Variants in ZSWIM4 observed in about 807,000 individuals in gnomAD.
ZSWIM4 encodes the protein zinc finger SWIM-type containing 4, also known as zinc finger SWIM domain-containing protein 4.
In ZSWIM4, 62 loss-of-function variants were observed where a neutral mutation model predicts 102.5. That is an observed-to-expected ratio of 0.60 (90% confidence interval 0.49 to 0.75). The LOEUF (loss-of-function observed/expected upper bound fraction) is 0.75, where lower values mean the gene tolerates loss of function less well. Among genes scored for constraint, ZSWIM4 ranks in the 30% least tolerant of loss-of-function variants. ZSWIM4 has a pLI of 0.00. For synonymous variants in ZSWIM4, 652 were observed against 674.5 expected (o/e 0.97, Z 0.52); for missense variants, 1,280 against 1,529.6 (o/e 0.84, Z 2.72).
chr19:13,825,149 C>T lies in ZSWIM4; in HGVS notation c.2216-401C>T, dbSNP rs35561460. Among the ~76,000 whole-genome samples, 552 of 151,798 alleles carry T rather than the reference C, an allele frequency of 3.6e-3. 1 individual carries two copies. The highest frequency in any genetic ancestry group is 5.6e-3 in the Non-Finnish European group (378 of 67,920). On this transcript the variant is annotated intron_variant, in intron 11 of 13. Transcript: ENST00000590508. This position sits in a 1 kb window ranked among gnomAD's most constrained non-coding sequence, Gnocchi z 4.6. ...CTGCCTCCCGGGTTCAAGCGATTCT[C>T]GTGCCTCATCCTCCCAAGTAGCTGG... is the stretch of plus-strand genomic sequence containing the variant.
rs531622783 is a variant in ZSWIM4 at position 13,830,047 on chromosome 19, G to A, written c.2462-144G>A. 43 of 1,061,584 alleles carry A rather than the reference G, an allele frequency of 4.1e-5. No individual in the cohort carries two copies. In the African/African-American group the frequency reaches 5.4e-4, roughly 13 times the overall value. 65.8% of individuals were successfully genotyped at this position (1,061,584 alleles called of 1,614,324 possible). A position where few individuals can be genotyped will look rare whatever the true frequency, so the allele number is the denominator to read the frequency against. ...CGTGATTCCCACCTAGTCCAGGTGC[G>A]CCCTGATGATTTGGAAAGGAAGTTT... On this transcript the variant is annotated intron_variant, in intron 13 of 13. Transcript: ENST00000590508.
chr19:13,824,876 C>A (rs762364062), intron 11 of ZSWIM4, among the ~76,000 whole-genome samples: 16 of 151,946 alleles, frequency 1.1e-4, no homozygotes, highest in Admixed American at 2.0e-4. Context: ...GAGTGTTACC[C>A]ATTTTACAGA....
chr19:13,830,472 G>T lies in ZSWIM4; in HGVS notation c.2743G>T (p.Gly915Cys), dbSNP rs772259206. ...CCAGATCGTGCTGGACGCGGCGGCC[G>T]GCGGCCTGGGCCACGCCCACCTCTT... ...AYQIVLDAAA[G>C]GLGHAHLFTV... Residue 915 changes from glycine to cysteine, a missense_variant, in exon 14 of 14, where the codon GGC becomes TGC. Coordinates refer to ENST00000590508, the MANE Select transcript of ZSWIM4 (RefSeq NM_001367834.3). 1.9e-6 allele frequency: 3 copies of T among 1,602,488 alleles called. No homozygotes were observed. Among genetic ancestry groups the T allele is most frequent in the African/African-American group, 2.7e-5 (2 of 74,856 alleles).
rs200740769 is a variant in ZSWIM4 at position 13,819,509 on chromosome 19, A to G, written c.2060+17A>G. On this transcript the variant is annotated intron_variant, in intron 10 of 13. Transcript: ENST00000590508. ...AGCTATGAGGTGAGGATAGGTGGCCAAGGCAGTGGCAGGGGGAGCTGGGGG... is the reference window on the plus strand; with the variant it reads ...AGCTATGAGGTGAGGATAGGTGGCCGAGGCAGTGGCAGGGGGAGCTGGGGG... 1.4e-5 allele frequency: 22 copies of G among 1,580,566 alleles called. No homozygotes were observed. In the Admixed American group the frequency reaches 3.3e-4, roughly 23 times the overall value.
chr19:13,829,114 A>AAGAG (rs371477283), intron 13 of ZSWIM4, among the ~76,000 whole-genome samples: 5 of 148,194 alleles, frequency 3.4e-5, no homozygotes, highest in Non-Finnish European at 4.5e-5. Flanking sequence ...GGAAAAAAAA[A>AAGAG]AGAGAGAGAG....
chr19:13,797,808 A>T (rs1974651494), intron 1 of ZSWIM4, among the ~76,000 whole-genome samples: 1 of 152,076 alleles, frequency 6.6e-6, no homozygotes, highest in Non-Finnish European at 1.5e-5. Flanking sequence ...GTGAGCCGCC[A>T]TACCCAGCTA....
intron 1 of ZSWIM4, among the ~76,000 whole-genome samples, chr19:13,798,605 A>G (rs1974671986): frequency 6.6e-6 from 1 of 152,154 alleles, no homozygotes; most frequent in Middle Eastern, 3.2e-3. Flanking sequence ...GCCAGGTGTT[A>G]TTGTAAGTTC....
At position 13,810,334 on chromosome 19, in the gene ZSWIM4, C is replaced by T. The variant is rs148031429; in HGVS notation, c.1012+1114C>T. ...TTGACACGGACTCTCACCCTGTCTCCCAGGCTGGAGTGCAGTGGCACGATC... is the reference window on the plus strand; with the variant it reads ...TTGACACGGACTCTCACCCTGTCTCTCAGGCTGGAGTGCAGTGGCACGATC... On this transcript the variant is annotated intron_variant, in intron 5 of 13. Coordinates refer to ENST00000590508, the MANE Select transcript of ZSWIM4 (RefSeq NM_001367834.3). Among the ~76,000 whole-genome samples the T allele has an allele frequency of 1.2e-3, 186 of 149,654 alleles. 1 individual carries two copies. The East Asian group carries it at 0.017, about 14-fold the overall frequency.
Position 13,808,190 on chromosome 19 carries a change from A to C in ZSWIM4, c.713-646A>C, listed in dbSNP as rs556674171. Reference sequence around the variant, plus strand: ...TCACCTCCCTCCATGCCCCACTTCCAACTCTGGGGATCATAATTCAACATG... The same window carrying C: ...TCACCTCCCTCCATGCCCCACTTCCCACTCTGGGGATCATAATTCAACATG... On this transcript the variant is annotated intron_variant, in intron 3 of 13. Transcript: ENST00000590508. Among the ~76,000 whole-genome samples the C allele has an allele frequency of 3.3e-5, 5 of 152,294 alleles. No individual in the cohort carries two copies. In the South Asian group the frequency reaches 1.0e-3, roughly 32 times the overall value.
chr19:13,832,019 C>G lies in ZSWIM4; in HGVS notation c.*969C>G, dbSNP rs570104287. 2 of 150,776 alleles carry G rather than the reference C, an allele frequency of 1.3e-5. No individual in the cohort carries two copies. The highest frequency in any genetic ancestry group is 2.4e-5 in the African/African-American group (1 of 40,926). The allele number at this position is 150,776 out of a possible 1,614,324, so 9.3% of individuals were successfully genotyped here. ...GAGGAGAAGGGAGAACATCACCCCC[C>G]CAAGTCACCCCCACATCTTTTCCCT... On this transcript the variant is annotated 3_prime_UTR_variant, in exon 14 of 14. Coordinates refer to ENST00000590508, the MANE Select transcript of ZSWIM4 (RefSeq NM_001367834.3).
Position 13,799,097 on chromosome 19 carries a change from T to C in ZSWIM4, c.154-623T>C, listed in dbSNP as rs117208160. On this transcript the variant is annotated intron_variant, in intron 1 of 13. Transcript: ENST00000590508. ...AGCCACTGCCCTGACCTATTTTTTT[T>C]GAGATGGGATCTTGCTCTGTTGCCC... Among the ~76,000 whole-genome samples, 7 of 151,934 alleles carry C rather than the reference T, an allele frequency of 4.6e-5. No individual in the cohort carries two copies. In the East Asian group the frequency reaches 1.4e-3, roughly 29 times the overall value.
At chr19:13,815,122 A>T (rs1018708308) in intron 7 of ZSWIM4, 37 of 170,662 alleles carry the variant, frequency 2.2e-4, no homozygotes, top group African/African-American at 8.6e-4. Flanking sequence ...TAATTATGCC[A>T]CTGCACTCTA....
chr19:13,808,679 T>C (rs111825503), intron 3 of ZSWIM4, among the ~76,000 whole-genome samples, 157 bp from the exon 4 acceptor site: 2,692 of 145,480 alleles, frequency 0.019, 74 homozygotes, highest in African/African-American at 0.066. Flanking sequence ...GCAGAGGTTG[T>C]AGTGAGCGAA....
In ZSWIM4 at chr19:13,804,982, G is replaced by A; in HGVS notation, c.546G>A (p.Val182=). 1 of 1,612,972 alleles carries A rather than the reference G, an allele frequency of 6.2e-7. No homozygotes were observed. The highest frequency in any genetic ancestry group is 1.1e-5 in the South Asian group (1 of 91,082). The change falls in exon 3 of 14, where the codon GTG becomes GTA. Residue 182 remains valine (V), a synonymous_variant. Transcript: ENST00000590508. The stretch of plus-strand genomic sequence containing the variant: ...ACCGCATTCGGCACGCCCACCAGGT[G>A]GAGCTGCGGCTGCCCATCTCCGAGA... ...SLYRIRHAHQ[V]ELRLPISETL...
At chr19:13,807,934 C>A (rs914177392) in intron 3 of ZSWIM4, among the ~76,000 whole-genome samples, 1 of 152,150 alleles carries the variant, frequency 6.6e-6, no homozygotes, top group African/African-American at 2.4e-5. Context: ...TTAATCGGCT[C>A]ATAGTTCTGC....
intron 13 of ZSWIM4, among the ~76,000 whole-genome samples, 167 bp from the exon 14 acceptor site, chr19:13,830,024 T>A (rs10411270): frequency 0.36 from 54,952 of 151,854 alleles, 10,146 homozygotes; most frequent in Admixed American, 0.44. Context: ...TCTACACACG[T>A]GATTCCCACC....
At chr19:13,821,772 G>T (rs940643759) in intron 10 of ZSWIM4, among the ~76,000 whole-genome samples, 1 of 151,658 alleles carries the variant, frequency 6.6e-6, no homozygotes, top group Non-Finnish European at 1.5e-5. Context: ...AGGCTGGAGT[G>T]CAGTGGCACA....
chr19:13,803,339 A>T (rs902465849), intron 2 of ZSWIM4, among the ~76,000 whole-genome samples: 7 of 152,196 alleles, frequency 4.6e-5, no homozygotes, highest in African/African-American at 1.7e-4. Flanking sequence ...GGCTTACTTC[A>T]TCAGCCCCTC....
In ZSWIM4 at chr19:13,804,906, G is replaced by GT; in HGVS notation, c.471dup (p.Asp158Ter). Reference sequence around the variant, plus strand: ...AAGATCACGTCCGTGAGCTGCGGCTGTGACAACCGCGACCTCTTCTACTGT... The same window carrying GT: ...AAGATCACGTCCGTGAGCTGCGGCTGTTGACAACCGCGACCTCTTCTACTGT... On this transcript the variant is annotated frameshift_variant, in exon 3 of 14. Coordinates refer to ENST00000590508, the MANE Select transcript of ZSWIM4 (RefSeq NM_001367834.3). LOFTEE classifies it high-confidence loss of function. 1 of 1,613,588 alleles carries GT rather than the reference G, an allele frequency of 6.2e-7. No individual in the cohort carries two copies. Among genetic ancestry groups the GT allele is most frequent in the Non-Finnish European group, 8.5e-7 (1 of 1,180,030 alleles).
Sources: allele counts gnomAD v4.1 joint callset (sites outside exome capture counted in the v4.1 genomes callset), GRCh38; gene constraint gnomAD v4.1.1; non-coding constraint Gnocchi (gnomAD v3.1); transcripts MANE v1.5; gene names NCBI Gene and HGNC (gene_info 2026-07-23, HGNC 2026-07-21).